AGBL4: variants seen among roughly 807,000 people sequenced by gnomAD.
The protein encoded by AGBL4 is cytosolic carboxypeptidase 6.
Under a neutral mutation model 66.4 loss-of-function variants are expected in AGBL4, and 58 were observed. The observed-to-expected ratio is 0.87, with a 90% CI of 0.71 to 1.09. The LOEUF (loss-of-function observed/expected upper bound fraction) is 1.09, where lower values mean the gene tolerates loss of function less well. Ranked by LOEUF, AGBL4 falls within the 50% of genes least tolerant of loss-of-function variation. AGBL4 has a pLI of 0.00. For synonymous variants in AGBL4, 234 were observed against 222.9 expected (o/e 1.05, Z -0.44); for missense variants, 579 against 631.0 (o/e 0.92, Z 0.88).
chr1:49,461,677 T>C (rs1247893131), intron 3 of AGBL4, among the ~76,000 whole-genome samples: 1 of 145,090 alleles, frequency 6.9e-6, no homozygotes, highest in Non-Finnish European at 1.5e-5. Context: ...TGTCCATGTG[T>C]TCTCATTGTT....
chr1:49,317,744 G>T (rs1042789167), intron 3 of AGBL4, among the ~76,000 whole-genome samples: 4 of 151,916 alleles, frequency 2.6e-5, no homozygotes, highest in African/African-American at 9.7e-5. Flanking sequence ...TAAGTAAGAG[G>T]AGACATTTGA....
At chr1:49,235,923 A>G (rs1650697568) in intron 4 of AGBL4, among the ~76,000 whole-genome samples, 1 of 152,134 alleles carries the variant, frequency 6.6e-6, no homozygotes, top group African/African-American at 2.4e-5. Flanking sequence ...TCAAGTCTAT[A>G]TTATCTCCAC....
rs563402290 is a variant in AGBL4, at chr1:48,757,156, TTC to T, written c.635-93917_635-93916del. 1.8e-3 allele frequency among the ~76,000 whole-genome samples: 271 copies of T among 152,218 alleles called. 5 individuals carry two copies. In the South Asian group the frequency reaches 0.022, roughly 12 times the overall value. On this transcript the variant is annotated intron_variant, in intron 6 of 13. Transcript: ENST00000371839. Reference sequence around the variant, plus strand: ...GGGAGTTGAATTAAGTACCAAGAATTTCTGTTTTTGGTGTACTTCCCCACAAG... The same window carrying T: ...GGGAGTTGAATTAAGTACCAAGAATTTGTTTTTGGTGTACTTCCCCACAAG...
chr1:49,203,032 A>T (rs1647838034), intron 4 of AGBL4, among the ~76,000 whole-genome samples: 1 of 151,326 alleles, frequency 6.6e-6, no homozygotes, highest in East Asian at 1.9e-4. Context: ...CATCAGAAAA[A>T]TGCAAATCAA....
intron 1 of AGBL4, among the ~76,000 whole-genome samples, chr1:49,918,973 A>C (rs1651891943): frequency 6.6e-6 from 1 of 152,210 alleles, no homozygotes; most frequent in African/African-American, 2.4e-5. Context: ...ACAGAACCAA[A>C]GACAAAAACC....
chr1:49,785,884 G>GAAAAAAA (rs200044395), intron 2 of AGBL4, among the ~76,000 whole-genome samples: 1 of 134,358 alleles, frequency 7.4e-6, no homozygotes, highest in African/African-American at 2.9e-5. Flanking sequence ...GAAATCCCAG[G>GAAAAAAA]AAAAAAAAAA....
At chr1:49,219,217 T>C (rs890352030) in intron 4 of AGBL4, among the ~76,000 whole-genome samples, 4 of 152,190 alleles carry the variant, frequency 2.6e-5, no homozygotes, top group African/African-American at 4.8e-5. Flanking sequence ...GGACAACACA[T>C]TCTTCTTTAA....
At chr1:49,266,857 T>G (rs1005279873) in intron 3 of AGBL4, among the ~76,000 whole-genome samples, 2 of 152,196 alleles carry the variant, frequency 1.3e-5, no homozygotes, top group Non-Finnish European at 2.9e-5. Flanking sequence ...GAAAGCAATA[T>G]GAAGGGCCTA....
At chr1:48,526,438 T>C in the AGBL4 span, among the ~76,000 whole-genome samples, 2 of 152,142 alleles carry the variant, frequency 1.3e-5, no homozygotes, top group African/African-American at 4.8e-5. Flanking sequence ...CATCAGATCA[T>C]GGAAGACAAA....
intron 6 of AGBL4, among the ~76,000 whole-genome samples, chr1:48,861,962 A>G (rs978498617): frequency 2.0e-5 from 3 of 152,074 alleles, no homozygotes; most frequent in Non-Finnish European, 2.9e-5. Flanking sequence ...CTTCCTACTT[A>G]GCCCTGTAGA....
At chr1:49,467,393 A>G (rs1257454650) in intron 3 of AGBL4, among the ~76,000 whole-genome samples, 1 of 151,880 alleles carries the variant, frequency 6.6e-6, no homozygotes, top group Non-Finnish European at 1.5e-5. Flanking sequence ...GAAGAGGTTC[A>G]ATATTTGTTC....
At chr1:49,177,472 A>C (rs1646853085) in intron 4 of AGBL4, among the ~76,000 whole-genome samples, 1 of 152,176 alleles carries the variant, frequency 6.6e-6, no homozygotes, top group Admixed American at 6.5e-5. Context: ...TCCACAAATC[A>C]ATGGGTTTGA....
At chr1:48,752,924 A>G (rs896591278) in intron 6 of AGBL4, among the ~76,000 whole-genome samples, 3 of 151,856 alleles carry the variant, frequency 2.0e-5, no homozygotes, top group Non-Finnish European at 4.4e-5. Context: ...TAATTTTTGT[A>G]TTTTTAGTAG....
intron 3 of AGBL4, chr1:49,374,092 A>C (rs1644422957): frequency 6.6e-6 from 1 of 152,104 alleles, no homozygotes; most frequent in Non-Finnish European, 1.5e-5. Flanking sequence ...TAGATGTATT[A>C]ACTAATTTAA....
intron 3 of AGBL4, among the ~76,000 whole-genome samples, chr1:49,298,620 C>T (rs536868246): frequency 6.6e-6 from 1 of 151,372 alleles, no homozygotes; most frequent in African/African-American, 2.5e-5. Flanking sequence ...GGGTGCCTGG[C>T]CTCTCCTTCC....
chr1:49,034,737 G>A (rs1229642495), intron 5 of AGBL4, among the ~76,000 whole-genome samples: 1 of 152,172 alleles, frequency 6.6e-6, no homozygotes, highest in East Asian at 1.9e-4. Flanking sequence ...TCTCCTTGCT[G>A]ACACCATGTG....
At chr1:49,989,016 C>T (rs1659721948) in intron 1 of AGBL4, among the ~76,000 whole-genome samples, 1 of 152,122 alleles carries the variant, frequency 6.6e-6, no homozygotes, top group African/African-American at 2.4e-5. Context: ...TAGAAACAAA[C>T]CCGTATTTGT....
At chr1:48,871,331 G>A (rs1430708570) in intron 5 of AGBL4, among the ~76,000 whole-genome samples, 5 of 149,780 alleles carry the variant, frequency 3.3e-5, no homozygotes, top group Non-Finnish European at 5.9e-5. Context: ...GGAAGGCAGA[G>A]CCTTCACATG....
chr1:49,147,009 C>A (rs1010944398), intron 4 of AGBL4, among the ~76,000 whole-genome samples: 1 of 152,142 alleles, frequency 6.6e-6, no homozygotes, highest in Admixed American at 6.6e-5. Context: ...ATGCTTCTGA[C>A]CTTATAGAGA....
Sources: gnomAD v4.1 joint callset for allele counts (sites outside exome capture counted in the v4.1 genomes callset) on GRCh38, gnomAD v4.1.1 for gene constraint, MANE v1.5 for transcripts, NCBI Gene and HGNC (gene_info 2026-07-23, HGNC 2026-07-21) for gene names.